P4HA3: variants seen among roughly 807,000 people sequenced by gnomAD.
The protein encoded by P4HA3 is prolyl 4-hydroxylase subunit alpha-3.
In P4HA3, 60 loss-of-function variants were observed where a neutral mutation model predicts 66.7. The observed-to-expected ratio is 0.90, with a 90% CI of 0.73 to 1.12. P4HA3 has a LOEUF of 1.12. Ranked by LOEUF, P4HA3 falls within the 50% of genes most tolerant of loss-of-function variation. The pLI is 0.00. For missense variants in P4HA3, 683 were observed against 685.8 expected (o/e 1.00, Z 0.05); for synonymous variants, 263 against 274.6 (o/e 0.96, Z 0.42).
At chr11:74,253,192 T>A (rs1173919676) in intron 15 of P4HA3, among the ~76,000 whole-genome samples, 1 of 152,162 alleles carries the variant, frequency 6.6e-6, no homozygotes, top group Non-Finnish European at 1.5e-5. Context: ...GCGACACCCC[T>A]ATGCTGAGCC....
At chr11:74,251,369 T>G (rs1252100396) in intron 15 of P4HA3, 4 of 1,357,312 alleles carry the variant, frequency 2.9e-6, no homozygotes, top group African/African-American at 1.5e-5. Context: ...TAATATGGGC[T>G]CCTCCTGTGA....
At chr11:74,291,036 A>T (rs946408260) in intron 4 of P4HA3, among the ~76,000 whole-genome samples, 2 of 152,218 alleles carry the variant, frequency 1.3e-5, no homozygotes, top group African/African-American at 4.8e-5. Context: ...TACTTTGGGC[A>T]GTATGGCCAT....
intron 14 of P4HA3, among the ~76,000 whole-genome samples, chr11:74,260,918 G>A (rs116635783): frequency 0.012 from 1,768 of 152,210 alleles, 32 homozygotes; most frequent in African/African-American, 0.041. Flanking sequence ...TCACGACTTT[G>A]GTAATGACAC....
chr11:74,285,428 CT>C, intron 7 of P4HA3: 1 of 156,780 alleles, frequency 6.4e-6, no homozygotes, highest in Non-Finnish European at 1.4e-5. Context: ...ATGGTTGACA[CT>C]TTTGAAGTGT....
intron 3 of P4HA3, among the ~76,000 whole-genome samples, chr11:74,300,943 G>C (rs527898589): frequency 1.5e-4 from 23 of 152,208 alleles, no homozygotes; most frequent in African/African-American, 5.3e-4. Context: ...GCAATAAAAA[G>C]AAATAAACTA....
intron 2 of P4HA3, among the ~76,000 whole-genome samples, chr11:74,303,467 T>C (rs886079110): frequency 6.6e-6 from 1 of 151,280 alleles, no homozygotes; most frequent in African/African-American, 2.4e-5. Flanking sequence ...TTGTTATTTT[T>C]AATAGGTTTC....
In P4HA3 at chr11:74,274,079, A is replaced by G. The variant is rs147584970; in HGVS notation, c.1336-472T>C. Among the ~76,000 whole-genome samples, 306 of 152,138 alleles carry G rather than the reference A, an allele frequency of 2.0e-3. 2 individuals are homozygous for G. Among genetic ancestry groups the G allele is most frequent in the African/African-American group, 6.8e-3 (283 of 41,508 alleles). The stretch of plus-strand genomic sequence containing the variant: ...TCACCCCTTGTAAGCCTACTGTTCA[A>G]TGAGTTTTCCCACAATTGAAGTTTA... On this transcript the variant is annotated intron_variant, in intron 9 of 12. Transcript: ENST00000331597.
At chr11:74,299,662 T>A (rs1407576694) in intron 3 of P4HA3, among the ~76,000 whole-genome samples, 2 of 132,658 alleles carry the variant, frequency 1.5e-5, no homozygotes, top group Non-Finnish European at 3.1e-5. Flanking sequence ...ATTATATATT[T>A]TCAAGAAAAA....
At chr11:74,257,492 T>G (rs566726844) in intron 15 of P4HA3, among the ~76,000 whole-genome samples, 60 of 152,190 alleles carry the variant, frequency 3.9e-4, no homozygotes, top group African/African-American at 1.4e-3. Context: ...GGGCAAGATA[T>G]CTCAGAAGGA....
chr11:74,258,600 C>T (rs965803651), intron 15 of P4HA3, among the ~76,000 whole-genome samples: 1 of 152,122 alleles, frequency 6.6e-6, no homozygotes, highest in Non-Finnish European at 1.5e-5. Flanking sequence ...ACAATCTGGA[C>T]TAGAGCTCAG....
chr11:74,265,513 C>T (rs182806809), downstream of P4HA3, among the ~76,000 whole-genome samples: 4 of 152,300 alleles, frequency 2.6e-5, no homozygotes, highest in East Asian at 7.7e-4. Context: ...CAATACATGC[C>T]CACAGCCCTG....
chr11:74,306,125 T>G (rs1345101831), intron 1 of P4HA3, among the ~76,000 whole-genome samples: 4 of 152,040 alleles, frequency 2.6e-5, no homozygotes. Flanking sequence ...ACGACAGCGA[T>G]GGAGAATGGA....
chr11:74,310,654 C>T (rs539490394), intron 1 of P4HA3, among the ~76,000 whole-genome samples: 2 of 152,292 alleles, frequency 1.3e-5, no homozygotes, highest in Non-Finnish European at 2.9e-5. Context: ...TGGAACACTG[C>T]CTGGCTCTTA....
At chr11:74,265,784 T>A (rs1859981286), downstream of P4HA3, among the ~76,000 whole-genome samples, 1 of 152,084 alleles carries the variant, frequency 6.6e-6, no homozygotes, top group Non-Finnish European at 1.5e-5. Context: ...CAGAGCCTAG[T>A]GGGAGCAGCC....
intron 3 of P4HA3, among the ~76,000 whole-genome samples, chr11:74,298,821 T>C (rs1271473400): frequency 6.6e-6 from 1 of 152,208 alleles, no homozygotes; most frequent in African/African-American, 2.4e-5. Flanking sequence ...AACAGAAATC[T>C]AAAGCAAGAA....
In P4HA3 at chr11:74,267,759, G is replaced by A. The variant is rs75414612; in HGVS notation, c.1564+386C>T. Among the ~76,000 whole-genome samples, 216 of 152,244 alleles carry A rather than the reference G, an allele frequency of 1.4e-3. 1 individual carries two copies. Among genetic ancestry groups the A allele is most frequent in the African/African-American group, 5.0e-3 (208 of 41,540 alleles). ...CTGGATGTATATGTGACATAAACAC[G>A]TCCATCTGCTTATTGATCTCTTCTT... On this transcript the variant is annotated intron_variant, in intron 12 of 12. Transcript: ENST00000331597.
intron 3 of P4HA3, among the ~76,000 whole-genome samples, chr11:74,300,135 G>C (rs1456936758): frequency 6.6e-6 from 1 of 152,128 alleles, no homozygotes. Context: ...AGGCGAGTGA[G>C]AGCACCAGAG....
At chr11:74,292,152 C>G (rs1861051435) in intron 4 of P4HA3, among the ~76,000 whole-genome samples, 1 of 152,146 alleles carries the variant, frequency 6.6e-6, no homozygotes, top group African/African-American at 2.4e-5. Flanking sequence ...AGAGATTCAA[C>G]TTCTTCCTGG....
intron 1 of P4HA3, among the ~76,000 whole-genome samples, chr11:74,304,831 C>T (rs1019286552): frequency 2.0e-5 from 3 of 152,104 alleles, no homozygotes; most frequent in African/African-American, 7.2e-5. Flanking sequence ...GGTCCCCAAC[C>T]TTTTTGGCAC....
Sources: gnomAD v4.1 joint callset for allele counts (sites outside exome capture counted in the v4.1 genomes callset) on GRCh38, gnomAD v4.1.1 for gene constraint, MANE v1.5 for transcripts, NCBI Gene and HGNC (gene_info 2026-07-23, HGNC 2026-07-21) for gene names.